The following NAALADL2 variants were observed in gnomAD, a reference collection of about 807,000 sequenced individuals.
NAALADL2 encodes N-acetylated alpha-linked acidic dipeptidase like 2, also known as inactive N-acetylated-alpha-linked acidic dipeptidase-like protein 2.
NAALADL2 carries 76 observed loss-of-function variants against 87.2 expected under a neutral mutation model. The observed-to-expected ratio is 0.87, with a 90% confidence interval of 0.72 to 1.05. The LOEUF (loss-of-function observed/expected upper bound fraction) is 1.05, where lower values mean the gene tolerates loss of function less well. Among genes scored for constraint, NAALADL2 ranks in the 50% least tolerant of loss-of-function variants. The pLI is 0.00. For synonymous variants in NAALADL2, 354 were observed against 331.0 expected (o/e 1.07, Z -0.75); for missense variants, 1,089 against 945.8 (o/e 1.15, Z -1.99).
At chr3:174,524,673 G>A (rs772961705) in intron 1 of NAALADL2, among the ~76,000 whole-genome samples, 67 of 150,962 alleles carry the variant, frequency 4.4e-4, no homozygotes, top group Non-Finnish European at 8.8e-4. Flanking sequence ...GCCTCCTACT[G>A]GGCAGCTGGG....
intron 2 of NAALADL2, among the ~76,000 whole-genome samples, chr3:174,561,285 T>C (rs1713584876): frequency 1.3e-5 from 2 of 150,892 alleles, no homozygotes; most frequent in Admixed American, 6.6e-5. Context: ...CTGCAACCTC[T>C]GACGCCCTGG....
At chr3:175,615,850 C>G (rs1331336950) in intron 10 of NAALADL2, among the ~76,000 whole-genome samples, 1 of 148,594 alleles carries the variant, frequency 6.7e-6, no homozygotes, top group Non-Finnish European at 1.5e-5. Context: ...GAGGGAGACT[C>G]TGTCTCAAAA....
intron 9 of NAALADL2, among the ~76,000 whole-genome samples, chr3:175,553,687 G>T (rs1221240922): frequency 6.6e-6 from 1 of 150,640 alleles, no homozygotes; most frequent in Non-Finnish European, 1.5e-5. Context: ...ATTCCCAGGG[G>T]TAATGGTACC....
chr3:175,781,171 C>G (rs1379937249), intron 13 of NAALADL2, among the ~76,000 whole-genome samples: 1 of 152,138 alleles, frequency 6.6e-6, no homozygotes, highest in East Asian at 1.9e-4. Flanking sequence ...CTCCTACTTT[C>G]AAGTTATTTC....
intron 5 of NAALADL2, among the ~76,000 whole-genome samples, chr3:175,413,549 G>A (rs1244584098): frequency 6.4e-5 from 8 of 125,644 alleles, no homozygotes; most frequent in African/African-American, 3.2e-5. Flanking sequence ...CAGCCTGGGC[G>A]ACAGAGCGAG....
intron 3 of NAALADL2, among the ~76,000 whole-genome samples, chr3:174,792,023 A>G (rs956075502): frequency 6.6e-6 from 1 of 152,140 alleles, no homozygotes; most frequent in African/African-American, 2.4e-5. Flanking sequence ...GGCCTGGCCA[A>G]CATGGTGAAA....
intron 3 of NAALADL2, among the ~76,000 whole-genome samples, chr3:174,751,392 G>T (rs879266613): frequency 6.6e-6 from 1 of 152,154 alleles, no homozygotes; most frequent in Non-Finnish European, 1.5e-5. Flanking sequence ...GCCAGACGCA[G>T]TTGCTCACGT....
intron 8 of NAALADL2, 26 bp downstream of exon 8, chr3:175,467,210 A>T: frequency 6.4e-7 from 1 of 1,572,938 alleles, no homozygotes; most frequent in Non-Finnish European, 8.7e-7. Flanking sequence ...CATTAATTAC[A>T]GTGCTTTTCT....
At chr3:174,722,225 C>T (rs545605815) in intron 2 of NAALADL2, among the ~76,000 whole-genome samples, 1 of 152,278 alleles carries the variant, frequency 6.6e-6, no homozygotes, top group East Asian at 1.9e-4. Flanking sequence ...CATGTTTGTC[C>T]TTTTTCTCTT....
intron 2 of NAALADL2, among the ~76,000 whole-genome samples, chr3:174,685,304 A>G (rs898194498): frequency 2.6e-5 from 4 of 151,982 alleles, no homozygotes; most frequent in Admixed American, 6.6e-5. Context: ...CCCAAATCTC[A>G]TCATCATCTT....
At chr3:174,745,746 A>G (rs1476579410) in intron 3 of NAALADL2, among the ~76,000 whole-genome samples, 2 of 152,186 alleles carry the variant, frequency 1.3e-5, no homozygotes, top group East Asian at 3.9e-4. Flanking sequence ...ATCCAATACG[A>G]TCAAGTCAGC....
chr3:175,487,491 A>G (rs1342826566), intron 9 of NAALADL2: 1 of 456,464 alleles, frequency 2.2e-6, no homozygotes, highest in East Asian at 7.0e-5. Flanking sequence ...AGCACTATCC[A>G]TGAACTAAGA....
At chr3:175,026,867 C>T (rs1033677506) in intron 1 of NAALADL2, among the ~76,000 whole-genome samples, 3 of 152,102 alleles carry the variant, frequency 2.0e-5, no homozygotes, top group Middle Eastern at 3.2e-3. Context: ...TAAAGAGATT[C>T]ACATGAGTTA....
chr3:175,472,124 GT>G (rs1486066614), intron 9 of NAALADL2, among the ~76,000 whole-genome samples: 1 of 151,228 alleles, frequency 6.6e-6, no homozygotes, highest in Non-Finnish European at 1.5e-5. Flanking sequence ...CTTCATTCTT[GT>G]TTTAAGTAAA....
At chr3:175,240,743 C>T (rs1746710784) in intron 3 of NAALADL2, among the ~76,000 whole-genome samples, 2 of 152,196 alleles carry the variant, frequency 1.3e-5, no homozygotes, top group African/African-American at 2.4e-5. Context: ...GCAACCTCTG[C>T]CTCCCAGGTT....
At chr3:175,560,008 A>G (rs981038197) in intron 9 of NAALADL2, among the ~76,000 whole-genome samples, 1 of 152,174 alleles carries the variant, frequency 6.6e-6, no homozygotes, top group Non-Finnish European at 1.5e-5. Flanking sequence ...TTTGAGTAGC[A>G]TTGGTATCAG....
At chr3:174,839,834 A>AT (rs201573246) in intron 3 of NAALADL2, among the ~76,000 whole-genome samples, 1,633 of 151,606 alleles carry the variant, frequency 0.011, 32 homozygotes, top group African/African-American at 0.037. Flanking sequence ...ATAATAAAAA[A>AT]AAAATAATAA....
chr3:175,685,827 T>A (rs114228117), intron 11 of NAALADL2, among the ~76,000 whole-genome samples: 76 of 152,262 alleles, frequency 5.0e-4, no homozygotes, highest in African/African-American at 1.7e-3. Flanking sequence ...AGTCTTCTTG[T>A]TCTATTCAGG....
rs1020995914 is a variant in NAALADL2 at position 174,963,335 on chromosome 3, A to T, written c.43+103885A>T. ...TTTAGTAACATACCTGTGGTTATTT[A>T]AAAAAAATAAGAAATTGTATCATGG... On this transcript the variant is annotated intron_variant, in intron 1 of 13. Coordinates refer to ENST00000454872, the MANE Select transcript of NAALADL2 (RefSeq NM_207015.3). Among the ~76,000 whole-genome samples, 8 of 152,128 alleles carry T rather than the reference A, an allele frequency of 5.3e-5. No individual in the cohort carries two copies. The East Asian group carries it at 7.7e-4, about 15-fold the overall frequency.
Sources: gnomAD v4.1 joint callset for allele counts (sites outside exome capture counted in the v4.1 genomes callset) on GRCh38, gnomAD v4.1.1 for gene constraint, MANE v1.5 for transcripts, NCBI Gene and HGNC (gene_info 2026-07-23, HGNC 2026-07-21) for gene names.